SLC35F1: variants seen among roughly 807,000 people sequenced by gnomAD.
SLC35F1 encodes chromosome 6 open reading frame 169.
SLC35F1 carries 14 observed loss-of-function variants against 48.7 expected under a neutral mutation model. The ratio of observed to expected loss-of-function variants is 0.29; its 90% CI spans 0.19 to 0.45. The LOEUF (loss-of-function observed/expected upper bound fraction) is 0.45. SLC35F1 is among the 20% of genes least tolerant of loss of function. The probability of loss-of-function intolerance (pLI) is 1.00; values close to 1 mark genes in which losing one functional copy is unlikely to be tolerated. For missense variants in SLC35F1, 404 were observed against 500.0 expected (o/e 0.81, Z 1.83); for synonymous variants, 190 against 202.2 (o/e 0.94, Z 0.51).
At chr6:117,911,548 A>T (rs1334194589) in intron 1 of SLC35F1, among the ~76,000 whole-genome samples, 1 of 151,008 alleles carries the variant, frequency 6.6e-6, no homozygotes, top group Admixed American at 6.6e-5. Flanking sequence ...TGATTCTCCC[A>T]CCTCAGCCTC....
intron 1 of SLC35F1, among the ~76,000 whole-genome samples, chr6:118,153,686 TA>T (rs1158024613): frequency 2.0e-5 from 3 of 152,206 alleles, no homozygotes; most frequent in African/African-American, 7.2e-5. Flanking sequence ...CAGAGGTCTA[TA>T]GGGGCAGCGC....
intron 1 of SLC35F1, among the ~76,000 whole-genome samples, chr6:118,070,235 TA>T (rs1316134567): frequency 6.7e-6 from 1 of 148,430 alleles, no homozygotes; most frequent in Non-Finnish European, 1.5e-5. Flanking sequence ...AATCTAAGAG[TA>T]AAAAAGCAAA....
chr6:118,313,455 G>A lies in SLC35F1; in HGVS notation c.1003-573G>A, dbSNP rs115747724. On this transcript the variant is annotated intron_variant, in intron 7 of 7. Transcript: ENST00000360388. ...TTTACAGATTAGTGGGGCAGGAATGGAATGTTGTACTATTTCTTTCTGTTC... is the reference window on the plus strand; with the variant it reads ...TTTACAGATTAGTGGGGCAGGAATGAAATGTTGTACTATTTCTTTCTGTTC... Among the ~76,000 whole-genome samples the A allele has an allele frequency of 9.9e-3, 1,509 of 152,306 alleles. 26 individuals carry two copies. Among genetic ancestry groups the A allele is most frequent in the African/African-American group, 0.034 (1,427 of 41,576 alleles).
chr6:118,121,341 C>T (rs1773550668), intron 1 of SLC35F1, among the ~76,000 whole-genome samples: 1 of 152,124 alleles, frequency 6.6e-6, no homozygotes, highest in Admixed American at 6.6e-5. Flanking sequence ...ATCTAGACAC[C>T]ACCTTAAGGG....
chr6:118,036,639 C>T (rs1772135429), intron 1 of SLC35F1, among the ~76,000 whole-genome samples: 1 of 152,090 alleles, frequency 6.6e-6, no homozygotes. Flanking sequence ...CTCACTGCAG[C>T]CTCCACCTCC....
intron 1 of SLC35F1, among the ~76,000 whole-genome samples, chr6:117,962,890 T>C (rs1008190853): frequency 1.3e-5 from 2 of 152,188 alleles, no homozygotes; most frequent in African/African-American, 4.8e-5. Context: ...GGGGACAGTG[T>C]GTTAGAGCTT....
chr6:117,998,369 G>A (rs1388944074), intron 1 of SLC35F1, among the ~76,000 whole-genome samples: 1 of 151,608 alleles, frequency 6.6e-6, no homozygotes, highest in African/African-American at 2.4e-5. Flanking sequence ...AGATCAACGA[G>A]ACAGAAAGTT....
intron 7 of SLC35F1, among the ~76,000 whole-genome samples, chr6:118,306,130 C>G (rs1254953566): frequency 6.6e-6 from 1 of 152,168 alleles, no homozygotes; most frequent in African/African-American, 2.4e-5. Context: ...AACTAAACTC[C>G]CTTCTTTGCC....
At chr6:118,069,308 A>G (rs974077996) in intron 1 of SLC35F1, among the ~76,000 whole-genome samples, 3 of 152,216 alleles carry the variant, frequency 2.0e-5, no homozygotes, top group African/African-American at 7.2e-5. Flanking sequence ...TATCGAATCT[A>G]AAGTCTTAAC....
chr6:118,071,034 A>G lies in SLC35F1; in HGVS notation c.174-83411A>G, dbSNP rs1772707383. 6.4e-5 allele frequency among the ~76,000 whole-genome samples: 4 copies of G among 62,178 alleles called. 1 individual carries two copies. The highest frequency in any genetic ancestry group is 1.6e-4 in the Admixed American group (1 of 6,342). 40.8% of individuals were successfully genotyped at this position (62,178 alleles called of 152,430 possible). ...CACGTAGTATATATATTCTACGTGTATATATATACACATAGTATATATATT... is the reference window on the plus strand; with the variant it reads ...CACGTAGTATATATATTCTACGTGTGTATATATACACATAGTATATATATT... On this transcript the variant is annotated intron_variant, in intron 1 of 7. Transcript: ENST00000360388.
intron 1 of SLC35F1, among the ~76,000 whole-genome samples, chr6:117,922,172 A>G (rs1329094896): frequency 1.3e-5 from 2 of 152,126 alleles, no homozygotes; most frequent in African/African-American, 2.4e-5. Flanking sequence ...AGGAGATAAC[A>G]CTTGTTTAAT....
intron 1 of SLC35F1, among the ~76,000 whole-genome samples, chr6:118,126,696 C>T (rs1464562767): frequency 2.6e-5 from 4 of 151,714 alleles, no homozygotes; most frequent in African/African-American, 7.3e-5. Context: ...AGGTCCTTCA[C>T]GTCCCTTGTA....
intron 3 of SLC35F1, 47 bp downstream of exon 3, chr6:118,235,683 A>G (rs936086572): frequency 8.2e-6 from 13 of 1,591,418 alleles, no homozygotes; most frequent in Non-Finnish European, 1.1e-5. Context: ...ATCCAGATGT[A>G]GTTTACTTTC....
At chr6:118,133,369 A>G (rs1490525544) in intron 1 of SLC35F1, among the ~76,000 whole-genome samples, 2 of 152,204 alleles carry the variant, frequency 1.3e-5, no homozygotes, top group Non-Finnish European at 2.9e-5. Flanking sequence ...TAAGTGGCGC[A>G]ACTATTTTTA....
chr6:117,981,898 T>C (rs775825452), intron 1 of SLC35F1, among the ~76,000 whole-genome samples: 29 of 152,160 alleles, frequency 1.9e-4, no homozygotes, highest in Non-Finnish European at 3.8e-4. Flanking sequence ...AAGAAATCAT[T>C]TTGGGGCAGG....
At position 118,147,595 on chromosome 6, in the gene SLC35F1, T is replaced by A. The variant is rs552110648; in HGVS notation, c.174-6850T>A. On this transcript the variant is annotated intron_variant, in intron 1 of 7. Coordinates refer to ENST00000360388, the MANE Select transcript of SLC35F1 (RefSeq NM_001029858.4). ...AACCCAGAGTGAGAGATATGCGCAA[T>A]CACGGAGCTTAGTTAGTGGAACTCA... is the stretch of plus-strand genomic sequence containing the variant. Among the ~76,000 whole-genome samples the A allele has an allele frequency of 2.0e-5, 3 of 152,208 alleles. No individual in the cohort carries two copies. In the East Asian group the frequency reaches 5.8e-4, roughly 29 times the overall value.
chr6:118,139,506 T>C (rs563137051), intron 1 of SLC35F1, among the ~76,000 whole-genome samples: 3 of 152,326 alleles, frequency 2.0e-5, no homozygotes, highest in African/African-American at 7.2e-5. Context: ...TGGGATACAA[T>C]CTGTCTTGGG....
chr6:118,120,916 A>G (rs1444378619), intron 1 of SLC35F1, among the ~76,000 whole-genome samples: 1 of 133,792 alleles, frequency 7.5e-6, no homozygotes, highest in Admixed American at 7.2e-5. Context: ...AATTCCCAGC[A>G]TGATCATCTT....
chr6:118,143,734 C>T (rs1368504243), intron 1 of SLC35F1, among the ~76,000 whole-genome samples: 1 of 152,046 alleles, frequency 6.6e-6, no homozygotes, highest in East Asian at 1.9e-4. Flanking sequence ...ATAATTAAAA[C>T]TATTCTGAAT....
Sources: allele counts gnomAD v4.1 joint callset (sites outside exome capture counted in the v4.1 genomes callset), GRCh38; gene constraint gnomAD v4.1.1; transcripts MANE v1.5; gene names NCBI Gene and HGNC (gene_info 2026-07-23, HGNC 2026-07-21).